The following DGKB variants were observed in gnomAD, a reference collection of about 807,000 sequenced individuals.
DGKB encodes the protein diacylglycerol kinase beta, also known as 90 kDa diacylglycerol kinase.
Under a neutral mutation model 114.3 loss-of-function variants are expected in DGKB, and 67 were observed. The observed-to-expected ratio is 0.59, with a 90% CI of 0.48 to 0.72. DGKB has a LOEUF of 0.72. Ranked by LOEUF, DGKB falls within the 30% of genes least tolerant of loss-of-function variation. The pLI is 0.00. For missense variants in DGKB, 907 were observed against 975.2 expected (o/e 0.93, Z 0.93); for synonymous variants, 398 against 323.1 (o/e 1.23, Z -2.49).
intron 6 of DGKB, among the ~76,000 whole-genome samples, chr7:14,713,982 T>G (rs1477656159): frequency 6.6e-6 from 1 of 151,928 alleles, no homozygotes; most frequent in African/African-American, 2.4e-5. Flanking sequence ...TTGATGTTAT[T>G]TTTATATTTT....
At chr7:14,468,166 T>C (rs183326745) in intron 21 of DGKB, among the ~76,000 whole-genome samples, 7 of 152,294 alleles carry the variant, frequency 4.6e-5, no homozygotes, top group Non-Finnish European at 1.0e-4. Flanking sequence ...AAAACAGCAA[T>C]TGAACTCTAG....
chr7:14,294,729 C>G (rs184019227), intron 23 of DGKB, among the ~76,000 whole-genome samples: 1 of 152,290 alleles, frequency 6.6e-6, no homozygotes. Flanking sequence ...AACCTATTAT[C>G]TGACCACTCA....
At chr7:14,756,264 T>A (rs575345733) in intron 3 of DGKB, among the ~76,000 whole-genome samples, 1 of 152,056 alleles carries the variant, frequency 6.6e-6, no homozygotes, top group Non-Finnish European at 1.5e-5. Context: ...AATTTTTGTG[T>A]CTTATAGCAA....
intron 21 of DGKB, among the ~76,000 whole-genome samples, chr7:14,424,265 T>A (rs192836609): frequency 1.3e-5 from 2 of 152,146 alleles, no homozygotes; most frequent in Admixed American, 1.3e-4. Flanking sequence ...ATTTATTTGT[T>A]TCAATCACTC....
At chr7:14,377,262 T>C (rs891006174) in intron 21 of DGKB, among the ~76,000 whole-genome samples, 4 of 152,226 alleles carry the variant, frequency 2.6e-5, no homozygotes, top group African/African-American at 9.6e-5. Context: ...AAATGTACCT[T>C]TTATAAATCT....
chr7:14,871,729 T>TAG (rs1852486977), intron 1 of DGKB, among the ~76,000 whole-genome samples: 1 of 152,102 alleles, frequency 6.6e-6, no homozygotes, highest in South Asian at 2.1e-4. Context: ...TTTGTGAGCT[T>TAG]TTTCTAAGTG....
intron 23 of DGKB, among the ~76,000 whole-genome samples, chr7:14,237,459 G>A (rs1422519303): frequency 6.6e-6 from 1 of 151,708 alleles, no homozygotes; most frequent in Non-Finnish European, 1.5e-5. Flanking sequence ...TTAATGTAGT[G>A]TGTTCAATCC....
chr7:14,723,383 T>G lies in DGKB; in HGVS notation c.323-4698A>C, dbSNP rs148803660. Among the ~76,000 whole-genome samples, 678 of 131,474 alleles carry G rather than the reference T, an allele frequency of 5.2e-3. 1 individual carries two copies. Among genetic ancestry groups the G allele is most frequent in the Non-Finnish European group, 6.0e-3 (380 of 63,216 alleles). The allele number at this position is 131,474 out of a possible 152,430, so 86.3% of individuals were successfully genotyped here. The stretch of plus-strand genomic sequence containing the variant: ...TTACAACTAAAATGAAACATAAAGC[T>G]GGGCAAAACAAAAGGGTTTGTTTGT... On this transcript the variant is annotated intron_variant, in intron 5 of 25. Coordinates refer to ENST00000402815, the MANE Select transcript of DGKB (RefSeq NM_001350709.2).
At chr7:14,509,714 C>T (rs1006770779) in intron 20 of DGKB, among the ~76,000 whole-genome samples, 11 of 152,216 alleles carry the variant, frequency 7.2e-5, no homozygotes, top group Admixed American at 3.3e-4. Flanking sequence ...AAGCCTCCGA[C>T]GCTCTGGTCC....
At chr7:14,222,100 T>G (rs1396521397) in intron 23 of DGKB, among the ~76,000 whole-genome samples, 3 of 151,210 alleles carry the variant, frequency 2.0e-5, no homozygotes, top group African/African-American at 7.3e-5. Context: ...AAAAAACTTG[T>G]TTTTGGCTTC....
chr7:14,348,741 T>C (rs1217074753), intron 21 of DGKB, among the ~76,000 whole-genome samples: 1 of 151,886 alleles, frequency 6.6e-6, no homozygotes, highest in African/African-American at 2.4e-5. Context: ...TGTAGGAACA[T>C]ACTTCAATGA....
intron 13 of DGKB, among the ~76,000 whole-genome samples, chr7:14,635,015 T>C (rs1002334839): frequency 1.3e-5 from 2 of 151,604 alleles, no homozygotes; most frequent in Non-Finnish European, 3.0e-5. Context: ...ATTATTTTTC[T>C]TTTCCACAAA....
At chr7:14,183,818 G>A (rs956954911) in intron 23 of DGKB, among the ~76,000 whole-genome samples, 28 of 152,314 alleles carry the variant, frequency 1.8e-4, no homozygotes, top group African/African-American at 6.7e-4. Context: ...GGCAGGACTA[G>A]ATTGCAGCTC....
intron 20 of DGKB, among the ~76,000 whole-genome samples, chr7:14,484,466 T>A (rs889035271): frequency 3.3e-5 from 5 of 152,076 alleles, no homozygotes; most frequent in Non-Finnish European, 7.4e-5. Flanking sequence ...ATGGGTGAGT[T>A]CTCATGAGAT....
At chr7:14,814,396 C>G (rs920487917) in intron 2 of DGKB, among the ~76,000 whole-genome samples, 3 of 152,096 alleles carry the variant, frequency 2.0e-5, no homozygotes, top group Non-Finnish European at 4.4e-5. Flanking sequence ...TTTTATCAAG[C>G]CTGAAGCCTA....
At chr7:14,689,394 A>C (rs1341103471) in intron 9 of DGKB, among the ~76,000 whole-genome samples, 11 of 151,816 alleles carry the variant, frequency 7.2e-5, no homozygotes, top group South Asian at 2.1e-4. Context: ...CCAGGATGGT[A>C]TCACCTGACC....
At chr7:14,184,829 T>C (rs909302784) in intron 23 of DGKB, among the ~76,000 whole-genome samples, 1 of 152,134 alleles carries the variant, frequency 6.6e-6, no homozygotes, top group Non-Finnish European at 1.5e-5. Flanking sequence ...CAGCGTCTCT[T>C]TATGATTAAA....
At chr7:14,482,164 T>G (rs1783077352) in intron 20 of DGKB, among the ~76,000 whole-genome samples, 1 of 152,024 alleles carries the variant, frequency 6.6e-6, no homozygotes, top group Non-Finnish European at 1.5e-5. Flanking sequence ...ATACCTGCCT[T>G]GCTTTGAAGA....
intron 23 of DGKB, among the ~76,000 whole-genome samples, chr7:14,281,348 C>G (rs939511094): frequency 5.8e-5 from 8 of 137,204 alleles, no homozygotes; most frequent in Non-Finnish European, 1.1e-4. Flanking sequence ...CAGGAGCACC[C>G]AGATTCATAA....
Sources: gnomAD v4.1 joint callset for allele counts (sites outside exome capture counted in the v4.1 genomes callset) on GRCh38, gnomAD v4.1.1 for gene constraint, MANE v1.5 for transcripts, NCBI Gene and HGNC (gene_info 2026-07-23, HGNC 2026-07-21) for gene names.